RAB4B: variants seen among roughly 807,000 people sequenced by gnomAD.
RAB4B encodes RAB4B, member RAS oncogene family.
RAB4B carries 15 observed loss-of-function variants against 28.3 expected under a neutral mutation model. The ratio of observed to expected loss-of-function variants is 0.53; its 90% CI spans 0.35 to 0.82. The LOEUF (loss-of-function observed/expected upper bound fraction) is 0.82, where lower values mean the gene tolerates loss of function less well. RAB4B is among the 40% of genes least tolerant of loss of function. The pLI, the probability that RAB4B is intolerant of heterozygous loss-of-function variation, is 0.01. For synonymous variants in RAB4B, 108 were observed against 116.3 expected, an observed-to-expected ratio of 0.93 and a Z score of 0.46; for missense variants, 244 against 288.5, an observed-to-expected ratio of 0.85 and a Z score of 1.12.
At chr19:40,785,342 C>CAAA (rs59914589) in intron 5 of RAB4B, among the ~76,000 whole-genome samples, 41 of 49,472 alleles carry the variant, frequency 8.3e-4, no homozygotes, top group East Asian at 1.7e-3. Flanking sequence ...CCTGCCTCTA[C>CAAA]AAAAAAAAAA....
intron 7 of RAB4B, among the ~76,000 whole-genome samples, chr19:40,794,193 G>A (rs759188450): frequency 7.2e-5 from 11 of 151,932 alleles, no homozygotes; most frequent in Non-Finnish European, 1.5e-4. Context: ...TCTTGCCTCA[G>A]CCTCCCTAGT....
intron 3 of RAB4B, among the ~76,000 whole-genome samples, chr19:40,782,711 G>A (rs2083060241): frequency 6.6e-6 from 1 of 152,120 alleles, no homozygotes; most frequent in South Asian, 2.1e-4. Context: ...TACTTGGGAG[G>A]CTGAGGCAGG....
rs2083031799 is a variant in RAB4B at position 40,779,986 on chromosome 19, TG to T, written c.17-30del. ...TTTTCCCTGTATCTTTCTCTCCCTG[TG>T]GGTATCCCTGATTTTGGCTCCATCT... On this transcript the variant is annotated intron_variant, in intron 1 of 7. Coordinates refer to ENST00000357052, the MANE Select transcript of RAB4B (RefSeq NM_016154.5). 1.9e-6 allele frequency: 3 copies of T among 1,610,156 alleles called. No homozygotes were observed. In the Admixed American group the frequency reaches 5.0e-5, roughly 27 times the overall value.
intron 7 of RAB4B, among the ~76,000 whole-genome samples, chr19:40,788,761 T>A (rs951706318): frequency 1.1e-4 from 17 of 148,048 alleles, no homozygotes; most frequent in Middle Eastern, 3.4e-3. Flanking sequence ...TAATTTTTTT[T>A]AATTTTTATA....
intron 7 of RAB4B, among the ~76,000 whole-genome samples, chr19:40,787,777 C>T (rs1055246838): frequency 9.3e-5 from 14 of 151,342 alleles, no homozygotes; most frequent in African/African-American, 2.7e-4. Flanking sequence ...GCCTGGCCAA[C>T]GTGGTGAAAC....
At position 40,778,282 on chromosome 19, in the gene RAB4B, A is replaced by G. The variant is rs2083014016; in HGVS notation, c.-94A>G. 3.9e-6 allele frequency: 5 copies of G among 1,283,568 alleles called. No homozygotes were observed. Among genetic ancestry groups the G allele is most frequent in the East Asian group, 6.0e-5 (2 of 33,364 alleles). The allele number at this position is 1,283,568 out of a possible 1,614,324, so 79.5% of individuals were successfully genotyped here. A position where few individuals can be genotyped will look rare whatever the true frequency, so the allele number is the denominator to read the frequency against. On this transcript the variant is annotated 5_prime_UTR_variant, in exon 1 of 8. Transcript: ENST00000357052. ...GTGCCGGGCCCGGGGAGTAGGAAGG[A>G]GCCGGGGCTGTAGCCGGAGTGGAGC...
At position 40,788,388 on chromosome 19, in the gene RAB4B, G is replaced by GTGGGAGGATGGCT. The variant is rs751300980; in HGVS notation, c.*15+1413_*15+1425dup. Among the ~76,000 whole-genome samples the GTGGGAGGATGGCT allele has an allele frequency of 2.7e-3, 408 of 151,498 alleles. 2 individuals are homozygous for GTGGGAGGATGGCT. Among genetic ancestry groups the GTGGGAGGATGGCT allele is most frequent in the Non-Finnish European group, 4.7e-3 (316 of 67,892 alleles). ...AGTCCCAGCTACTTGGGAGGCTGAGGTGGGAGGATGGCTTGAGTCCAGGTG... is the reference window on the plus strand; with the variant it reads ...AGTCCCAGCTACTTGGGAGGCTGAGGTGGGAGGATGGCTTGGGAGGATGGCTTGAGTCCAGGTG... On this transcript the variant is annotated intron_variant, in intron 7 of 7. Coordinates refer to ENST00000357052, the MANE Select transcript of RAB4B (RefSeq NM_016154.5).
At chr19:40,782,587 C>A (rs931961222) in intron 3 of RAB4B, among the ~76,000 whole-genome samples, 2 of 151,796 alleles carry the variant, frequency 1.3e-5, no homozygotes, top group Non-Finnish European at 2.9e-5. Flanking sequence ...CCTAGGCGGG[C>A]AGATCACTTG....
At chr19:40,780,600 A>C (rs958603705) in intron 3 of RAB4B, 101 bp downstream of exon 3, 81 of 935,200 alleles carry the variant, frequency 8.7e-5, no homozygotes, top group Non-Finnish European at 1.2e-4. Context: ...AGGGCAGACA[A>C]GGCAGACAGA....
At chr19:40,788,085 T>C (rs2083119661) in intron 7 of RAB4B, among the ~76,000 whole-genome samples, 1 of 151,898 alleles carries the variant, frequency 6.6e-6, no homozygotes, top group Non-Finnish European at 1.5e-5. Flanking sequence ...CAGCGATTTA[T>C]TGAGCGCCTG....
intron 7 of RAB4B, among the ~76,000 whole-genome samples, chr19:40,792,839 G>C (rs2083171521): frequency 6.6e-6 from 1 of 151,858 alleles, no homozygotes; most frequent in Non-Finnish European, 1.5e-5. Flanking sequence ...GGAGTGCAGT[G>C]GTGCGATCTT....
chr19:40,788,829 G>T (rs1163649125), intron 7 of RAB4B, among the ~76,000 whole-genome samples: 2 of 109,680 alleles, frequency 1.8e-5, no homozygotes, highest in African/African-American at 3.7e-5. Context: ...TTGCTCTGTT[G>T]CCCAGGCTAG....
intron 5 of RAB4B, among the ~76,000 whole-genome samples, chr19:40,784,550 A>G (rs1257749797): frequency 6.6e-6 from 1 of 152,154 alleles, no homozygotes; most frequent in Non-Finnish European, 1.5e-5. Flanking sequence ...TCAGTGAGCT[A>G]TGTGATTACA....
intron 2 of RAB4B, 73 bp from the exon 3 acceptor site, chr19:40,780,312 C>A: frequency 6.8e-7 from 1 of 1,480,408 alleles, no homozygotes; most frequent in Non-Finnish European, 9.2e-7. Context: ...CTGAGAGGGC[C>A]TTGGAGGATG....
chr19:40,796,131 C>G (rs1449779708), intron 7 of RAB4B: 1 of 152,336 alleles, frequency 6.6e-6, no homozygotes, highest in Non-Finnish European at 1.5e-5. Flanking sequence ...CCCCAGGTAG[C>G]TGGGACTACT....
At position 40,786,705 on chromosome 19, in the gene RAB4B, C is replaced by T. The variant is rs140890973; in HGVS notation, c.471C>T (p.Asn157=). ...AGACCAGCGCTCTCACAGGCGAGAA[C>T]GTGGAGGAGGCGTTCCTCAAGTGTG... ...FLETSALTGE[N]VEEAFLKCAR... is the part of the protein sequence containing the mutation. The change falls in exon 6 of 8, where the codon AAC becomes AAT. Residue 157 remains asparagine, a synonymous_variant. Coordinates refer to ENST00000357052, the MANE Select transcript of RAB4B (RefSeq NM_016154.5). 477 of 1,614,094 alleles carry T rather than the reference C, an allele frequency of 3.0e-4. 3 individuals are homozygous for T. The African/African-American group carries it at 5.7e-3, about 19-fold the overall frequency.
At chr19:40,790,354 CT>C (rs577816237) in intron 7 of RAB4B, among the ~76,000 whole-genome samples, 517 of 141,512 alleles carry the variant, frequency 3.7e-3, no homozygotes, top group East Asian at 5.7e-3. Context: ...TGGCCTCTCT[CT>C]TTTTTTTTTT....
intron 7 of RAB4B, among the ~76,000 whole-genome samples, chr19:40,788,481 TAAAAAA>T (rs751428239): frequency 3.0e-5 from 2 of 67,104 alleles, no homozygotes; most frequent in African/African-American, 1.1e-4. Context: ...GCGAGACTCT[TAAAAAA>T]AAAAAAAAAA....
rs1355470347 is a variant in RAB4B, at chr19:40,789,496, C to T, written c.*15+2518C>T. Among the ~76,000 whole-genome samples the T allele has an allele frequency of 3.6e-5, 5 of 138,756 alleles. 1 individual carries two copies. The highest frequency in any genetic ancestry group is 1.3e-4 in the African/African-American group (5 of 39,554). 91.0% of individuals were successfully genotyped at this position (138,756 alleles called of 152,430 possible). ...GGATTACAGGCGGGAGCCACCACGC[C>T]CAGCCTTTTTTTTTTTTTTTTTTTT... On this transcript the variant is annotated intron_variant, in intron 7 of 7. Transcript: ENST00000357052.
Sources: allele counts gnomAD v4.1 joint callset (sites outside exome capture counted in the v4.1 genomes callset), GRCh38; gene constraint gnomAD v4.1.1; transcripts MANE v1.5; gene names NCBI Gene and HGNC (gene_info 2026-07-23, HGNC 2026-07-21).